Variants in MOB3B observed in about 807,000 individuals in gnomAD.
MOB3B encodes MOB kinase activator 3B.
In MOB3B, 7 loss-of-function variants were observed where a neutral mutation model predicts 18.7. The ratio of observed to expected loss-of-function variants is 0.37; its 90% confidence interval spans 0.21 to 0.70. The LOEUF is 0.70. Among genes scored for constraint, MOB3B ranks in the 30% least tolerant of loss-of-function variants. The pLI is 0.52. For synonymous variants in MOB3B, 111 were observed against 99.9 expected (o/e 1.11, Z -0.66); for missense variants, 253 against 281.3 (o/e 0.90, Z 0.72).
At chr9:27,440,230 T>C (rs754056687) in intron 2 of MOB3B, among the ~76,000 whole-genome samples, 4 of 152,192 alleles carry the variant, frequency 2.6e-5, no homozygotes, top group Non-Finnish European at 5.9e-5. Context: ...AATGTGGCCA[T>C]GTCTCTTTAA....
intron 3 of MOB3B, among the ~76,000 whole-genome samples, chr9:27,349,904 C>A (rs1197629929): frequency 6.6e-6 from 1 of 152,166 alleles, no homozygotes; most frequent in African/African-American, 2.4e-5. Flanking sequence ...CATCTGGCAG[C>A]TCTTTGTGGA....
intron 3 of MOB3B, among the ~76,000 whole-genome samples, chr9:27,341,633 C>T (rs1258259008): frequency 1.3e-5 from 2 of 152,202 alleles, no homozygotes; most frequent in Non-Finnish European, 1.5e-5. Flanking sequence ...TGTTCTCAAG[C>T]TCTCACAGAG....
At chr9:27,520,335 T>A (rs1375484144) in intron 1 of MOB3B, among the ~76,000 whole-genome samples, 1 of 152,192 alleles carries the variant, frequency 6.6e-6, no homozygotes, top group African/African-American at 2.4e-5. Flanking sequence ...CCTGAACATG[T>A]ATAAACGATC....
intron 2 of MOB3B, among the ~76,000 whole-genome samples, chr9:27,389,596 A>G (rs1328382612): frequency 6.6e-6 from 1 of 151,956 alleles, no homozygotes. Flanking sequence ...ACTCCCCATC[A>G]CTAGTTGTAT....
At chr9:27,465,328 A>T (rs1054084484) in intron 1 of MOB3B, among the ~76,000 whole-genome samples, 1 of 152,066 alleles carries the variant, frequency 6.6e-6, no homozygotes, top group Non-Finnish European at 1.5e-5. Context: ...ATCTCCTTTG[A>T]CTCCAGGTCT....
chr9:27,463,238 G>A lies in MOB3B; in HGVS notation c.-198-7490C>T, dbSNP rs189042412. The stretch of plus-strand genomic sequence containing the variant: ...AATATTAACAATGGTATTTATTAAG[G>A]ACTTCCTATTTATTTTAGTTTTCAC... On this transcript the variant is annotated intron_variant, in intron 1 of 3. Coordinates refer to ENST00000262244, the MANE Select transcript of MOB3B (RefSeq NM_024761.5). Among the ~76,000 whole-genome samples, 40 of 152,122 alleles carry A rather than the reference G, an allele frequency of 2.6e-4. No homozygotes were observed. The East Asian group carries it at 7.2e-3, about 27-fold the overall frequency.
chr9:27,377,280 A>G (rs1821502800), intron 2 of MOB3B, among the ~76,000 whole-genome samples: 1 of 151,892 alleles, frequency 6.6e-6, no homozygotes, highest in South Asian at 2.1e-4. Context: ...TTGTTTCCTA[A>G]CTCTTTTCCA....
chr9:27,342,696 GACC>G (rs1479394732), intron 3 of MOB3B, among the ~76,000 whole-genome samples: 4 of 152,312 alleles, frequency 2.6e-5, no homozygotes, highest in African/African-American at 9.6e-5. Flanking sequence ...TCCAGCTCCT[GACC>G]ACGAGTGATC....
intron 1 of MOB3B, among the ~76,000 whole-genome samples, chr9:27,484,443 A>G (rs1322462523): frequency 2.0e-5 from 3 of 152,182 alleles, no homozygotes; most frequent in Non-Finnish European, 4.4e-5. Context: ...GCAAGTGGAC[A>G]TTTCTCCCTG....
At chr9:27,442,793 G>C (rs368503805) in intron 2 of MOB3B, among the ~76,000 whole-genome samples, 3 of 152,116 alleles carry the variant, frequency 2.0e-5, no homozygotes, top group Admixed American at 6.6e-5. Flanking sequence ...AGTTCTCCAC[G>C]TTAGCTCCTT....
At chr9:27,481,507 T>TTTG (rs1554652192) in intron 1 of MOB3B, among the ~76,000 whole-genome samples, 33 of 102,326 alleles carry the variant, frequency 3.2e-4, no homozygotes, top group East Asian at 9.5e-4. Flanking sequence ...GTTTTTTTTT[T>TTTG]TTTGTTTTTT....
chr9:27,342,530 T>C (rs1820960382), intron 3 of MOB3B, among the ~76,000 whole-genome samples: 1 of 151,210 alleles, frequency 6.6e-6, no homozygotes, highest in Non-Finnish European at 1.5e-5. Context: ...AAGGCTGGAC[T>C]GTACTGCCGC....
chr9:27,354,845 A>C (rs767708052), intron 3 of MOB3B, among the ~76,000 whole-genome samples: 11 of 152,182 alleles, frequency 7.2e-5, no homozygotes, highest in Non-Finnish European at 1.2e-4. Context: ...TAAGACAGAA[A>C]AGAGGTCATG....
At chr9:27,522,268 A>AAAT (rs1820347826) in intron 1 of MOB3B, among the ~76,000 whole-genome samples, 3 of 130,818 alleles carry the variant, frequency 2.3e-5, no homozygotes, top group South Asian at 2.4e-4. Flanking sequence ...AAAAAAAAAG[A>AAAT]AAAGAAAGAA....
At chr9:27,437,533 T>C (rs1027356420) in intron 2 of MOB3B, among the ~76,000 whole-genome samples, 3 of 152,186 alleles carry the variant, frequency 2.0e-5, no homozygotes, top group African/African-American at 7.2e-5. Flanking sequence ...TTACTGGTCA[T>C]TGATGAATAT....
chr9:27,462,504 C>T (rs1460896266), intron 1 of MOB3B, among the ~76,000 whole-genome samples: 1 of 152,180 alleles, frequency 6.6e-6, no homozygotes, highest in African/African-American at 2.4e-5. Flanking sequence ...TATGATGTCA[C>T]TCTGAACCTT....
chr9:27,472,460 T>A (rs150257935), intron 1 of MOB3B, among the ~76,000 whole-genome samples: 1 of 152,214 alleles, frequency 6.6e-6, no homozygotes, highest in East Asian at 1.9e-4. Flanking sequence ...GGAAGCCACA[T>A]CCACTGACTT....
intron 2 of MOB3B, among the ~76,000 whole-genome samples, chr9:27,416,544 ATTTTTTTTTTT>A (rs559806304): frequency 2.1e-4 from 26 of 121,420 alleles, no homozygotes; most frequent in African/African-American, 4.7e-4. Flanking sequence ...TTTCTTTTTA[ATTTTTTTTTTT>A]TTTTTTTTTT....
At chr9:27,407,031 G>T (rs746618059) in intron 2 of MOB3B, among the ~76,000 whole-genome samples, 1 of 151,998 alleles carries the variant, frequency 6.6e-6, no homozygotes. Flanking sequence ...TAGCGACGGG[G>T]TTTCACCATG....
Sources: gnomAD v4.1 joint callset for allele counts (sites outside exome capture counted in the v4.1 genomes callset) on GRCh38, gnomAD v4.1.1 for gene constraint, MANE v1.5 for transcripts, NCBI Gene and HGNC (gene_info 2026-07-23, HGNC 2026-07-21) for gene names.